The following NCAM2 variants were observed in gnomAD, a reference collection of about 807,000 sequenced individuals.
NCAM2 encodes N-CAM-2.
A neutral mutation model predicts 98.1 loss-of-function variants in NCAM2; 30 were observed. The ratio of observed to expected loss-of-function variants is 0.31; its 90% CI spans 0.23 to 0.41. The LOEUF (loss-of-function observed/expected upper bound fraction) is 0.41. NCAM2 is among the 10% of genes least tolerant of loss of function. The pLI is 1.00. For synonymous variants in NCAM2, 368 were observed against 342.4 expected (o/e 1.07, Z -0.83); for missense variants, 867 against 1,005.8 (o/e 0.86, Z 1.87).
intron 3 of NCAM2, among the ~76,000 whole-genome samples, chr21:21,284,720 T>C (rs1356928722): frequency 2.0e-5 from 3 of 151,744 alleles, no homozygotes; most frequent in Non-Finnish European, 4.4e-5. Flanking sequence ...ATTTTTTTTT[T>C]CACTGTAAAA....
At chr21:21,027,882 G>A (rs1016739496) in intron 1 of NCAM2, among the ~76,000 whole-genome samples, 6 of 146,396 alleles carry the variant, frequency 4.1e-5, no homozygotes, top group Admixed American at 2.1e-4. Context: ...TTGAGACGTC[G>A]TTTCTCTCTT....
intron 16 of NCAM2, among the ~76,000 whole-genome samples, chr21:21,532,145 A>T (rs1309204693): frequency 1.3e-5 from 2 of 152,036 alleles, no homozygotes; most frequent in African/African-American, 4.8e-5. Context: ...AGTTAAAAAT[A>T]ACCTAAATGT....
At position 21,110,232 on chromosome 21, in the gene NCAM2, A is replaced by G. The variant is rs1477215284; in HGVS notation, c.55+111614A>G. Among the ~76,000 whole-genome samples, 6 of 152,324 alleles carry G rather than the reference A, an allele frequency of 3.9e-5. No individual in the cohort carries two copies. The East Asian group carries it at 9.7e-4, about 25-fold the overall frequency. ...CAGAGTGTCACCCTATGTAGTTTAT[A>G]TAAGAGTGTCAGGAATTTGGCCCAG... On this transcript the variant is annotated intron_variant, in intron 1 of 17. Coordinates refer to ENST00000400546, the MANE Select transcript of NCAM2 (RefSeq NM_004540.5).
At chr21:21,289,066 T>C (rs2073200826) in intron 4 of NCAM2, among the ~76,000 whole-genome samples, 1 of 151,962 alleles carries the variant, frequency 6.6e-6, no homozygotes, top group African/African-American at 2.4e-5. Flanking sequence ...TTTGCTGATA[T>C]CCATTCAATC....
chr21:21,209,330 C>T (rs1298624695), intron 1 of NCAM2, among the ~76,000 whole-genome samples: 1 of 152,210 alleles, frequency 6.6e-6, no homozygotes, highest in Non-Finnish European at 1.5e-5. Flanking sequence ...ATCCTCCTGT[C>T]TCATCTTCCC....
intron 6 of NCAM2, among the ~76,000 whole-genome samples, chr21:21,332,961 TTTAGTG>T (rs2074757388): frequency 6.6e-6 from 1 of 152,252 alleles, no homozygotes; most frequent in Non-Finnish European, 1.5e-5. Flanking sequence ...CATTCAATTC[TTTAGTG>T]TTTACATTAA....
intron 14 of NCAM2, among the ~76,000 whole-genome samples, chr21:21,471,489 G>T (rs1331040690): frequency 6.6e-6 from 1 of 151,810 alleles, no homozygotes; most frequent in Non-Finnish European, 1.5e-5. Context: ...TGAAAAAATG[G>T]TTTAGACATA....
chr21:21,425,336 CTCTAATGT>C (rs1392888736), intron 11 of NCAM2, among the ~76,000 whole-genome samples: 1 of 152,034 alleles, frequency 6.6e-6, no homozygotes, highest in Non-Finnish European at 1.5e-5. Flanking sequence ...AACTCAAACA[CTCTAATGT>C]TCACTCTTCA....
At chr21:21,001,043 G>A (rs1205336250) in intron 1 of NCAM2, among the ~76,000 whole-genome samples, 12 of 152,160 alleles carry the variant, frequency 7.9e-5, no homozygotes, top group Admixed American at 7.9e-4. Flanking sequence ...ATACTTGCAG[G>A]GGATTTTATG....
rs1470201879 is a variant in NCAM2 at position 21,373,775 on chromosome 21, A to G, written c.1045-88A>G. 4 of 1,133,262 alleles carry G rather than the reference A, an allele frequency of 3.5e-6. No homozygotes were observed. In the African/African-American group the frequency reaches 4.8e-5, roughly 14 times the overall value. The allele number at this position is 1,133,262 out of a possible 1,614,324, so 70.2% of individuals were successfully genotyped here. Reference sequence around the variant, plus strand: ...TCTTTTTTCTTTTTGCCAGAGAAACATGGGAAGTAACATAATGTTATATGT... The same window carrying G: ...TCTTTTTTCTTTTTGCCAGAGAAACGTGGGAAGTAACATAATGTTATATGT... On this transcript the variant is annotated intron_variant, in intron 8 of 17. Transcript: ENST00000400546.
At position 21,541,228 on chromosome 21, in the gene NCAM2, A is replaced by G. The variant is rs1351278555; in HGVS notation, c.*3271A>G. 6.6e-6 allele frequency: 1 copy of G among 151,586 alleles called. No individual in the cohort carries two copies. Among genetic ancestry groups the G allele is most frequent in the Non-Finnish European group, 1.5e-5 (1 of 67,702 alleles). The allele number at this position is 151,586 out of a possible 1,614,324, so 9.4% of individuals were successfully genotyped here. A position where few individuals can be genotyped will look rare whatever the true frequency, so the allele number is the denominator to read the frequency against. On this transcript the variant is annotated 3_prime_UTR_variant, in exon 18 of 18. Transcript: ENST00000400546. The stretch of plus-strand genomic sequence containing the variant: ...GATGTATCTGTGCCTTTTAATTAGC[A>G]TGACAGTCTGCTTTATTAAAAGAAA...
At chr21:21,365,508 G>C (rs1406377304) in intron 8 of NCAM2, among the ~76,000 whole-genome samples, 1 of 151,656 alleles carries the variant, frequency 6.6e-6, no homozygotes, top group Non-Finnish European at 1.5e-5. Flanking sequence ...TACAATGTCT[G>C]GCATAAAATT....
intron 6 of NCAM2, among the ~76,000 whole-genome samples, chr21:21,329,019 A>G (rs993908031): frequency 1.3e-5 from 2 of 150,852 alleles, no homozygotes; most frequent in African/African-American, 4.9e-5. Context: ...CAGTGGTGCA[A>G]TCTCGGCTCA....
At chr21:21,123,149 C>CT (rs1455373885) in intron 1 of NCAM2, among the ~76,000 whole-genome samples, 1 of 33,458 alleles carries the variant, frequency 3.0e-5, no homozygotes, top group East Asian at 9.0e-4. Flanking sequence ...AATCCCAGCA[C>CT]TTTGGAAGGC....
At position 21,338,186 on chromosome 21, in the gene NCAM2, A is replaced by T. The variant is rs2074930187; in HGVS notation, c.899-203A>T. ...TCAAGTTATTTTGTATAATGGTAAC[A>T]GATGAGTTTTATTTCCTAAATTTTT... On this transcript the variant is annotated intron_variant, in intron 7 of 17. Transcript: ENST00000400546. Among the ~76,000 whole-genome samples, 5 of 152,130 alleles carry T rather than the reference A, an allele frequency of 3.3e-5. 1 individual carries two copies. The South Asian group carries it at 1.0e-3, about 31-fold the overall frequency.
At chr21:21,079,539 G>A (rs1427107335) in intron 1 of NCAM2, among the ~76,000 whole-genome samples, 1 of 152,002 alleles carries the variant, frequency 6.6e-6, no homozygotes, top group Non-Finnish European at 1.5e-5. Flanking sequence ...TGAATATCAT[G>A]TTTTCTAAAT....
intron 16 of NCAM2, among the ~76,000 whole-genome samples, chr21:21,532,042 C>T (rs1055419800): frequency 2.0e-5 from 3 of 151,394 alleles, no homozygotes; most frequent in Non-Finnish European, 4.4e-5. Flanking sequence ...ATAGGAGATT[C>T]GACATGTAAA....
Position 21,414,765 on chromosome 21 carries a change from G to A in NCAM2, c.1384-3708G>A, listed in dbSNP as rs532903814. Among the ~76,000 whole-genome samples the A allele has an allele frequency of 3.0e-4, 46 of 152,108 alleles. No individual in the cohort carries two copies. In the South Asian group the frequency reaches 7.1e-3, roughly 23 times the overall value. ...ATTACAGGCGTGAGCCACCGCGCCC[G>A]GCCACAAATTGTATTTCTTAAGTAC... On this transcript the variant is annotated intron_variant, in intron 10 of 17. Transcript: ENST00000400546.
chr21:21,270,984 C>G (rs895108552), intron 1 of NCAM2, among the ~76,000 whole-genome samples: 32 of 151,498 alleles, frequency 2.1e-4, no homozygotes, highest in African/African-American at 7.3e-4. Context: ...CCATTTTATT[C>G]AATTGGCCTC....
Sources: allele counts gnomAD v4.1 joint callset (sites outside exome capture counted in the v4.1 genomes callset), GRCh38; gene constraint gnomAD v4.1.1; transcripts MANE v1.5; gene names NCBI Gene and HGNC (gene_info 2026-07-23, HGNC 2026-07-21).